PRR5L: variants seen among roughly 807,000 people sequenced by gnomAD.
PRR5L encodes the protein proline rich 5 like.
In PRR5L, 21 loss-of-function variants were observed where a neutral mutation model predicts 36.4. That is an observed-to-expected ratio of 0.58 (90% CI 0.41 to 0.83). The LOEUF (loss-of-function observed/expected upper bound fraction) is 0.83. Among genes scored for constraint, PRR5L ranks in the 40% least tolerant of loss-of-function variants. The probability of loss-of-function intolerance (pLI) is 0.00; values close to 1 mark genes in which losing one functional copy is unlikely to be tolerated. For missense variants in PRR5L, 381 were observed against 473.3 expected (o/e 0.80, Z 1.81); for synonymous variants, 188 against 197.0 (o/e 0.95, Z 0.38).
intron 1 of PRR5L, among the ~76,000 whole-genome samples, chr11:36,348,221 C>A (rs560509369): frequency 1.6e-4 from 25 of 152,224 alleles, no homozygotes; most frequent in Middle Eastern, 3.4e-3. Context: ...CTCTTCTTAG[C>A]CAAAACCAAG....
chr11:36,349,451 G>T (rs1856904622), intron 1 of PRR5L, among the ~76,000 whole-genome samples: 2 of 152,118 alleles, frequency 1.3e-5, no homozygotes, highest in Admixed American at 1.3e-4. Context: ...CAGTGAGGGA[G>T]GGGAAACAGG....
chr11:36,353,001 G>A (rs1195227305), intron 1 of PRR5L, among the ~76,000 whole-genome samples: 1 of 152,156 alleles, frequency 6.6e-6, no homozygotes, highest in Non-Finnish European at 1.5e-5. Context: ...TTGTTTGTTT[G>A]TTCTTACAGA....
chr11:36,356,147 A>G (rs547476413), intron 1 of PRR5L, among the ~76,000 whole-genome samples: 1 of 151,086 alleles, frequency 6.6e-6, no homozygotes, highest in Non-Finnish European at 1.5e-5. Flanking sequence ...CCTGAGCTCA[A>G]TTGATCTGCC....
At chr11:36,383,106 A>G (rs1011668597) in intron 1 of PRR5L, among the ~76,000 whole-genome samples, 1 of 152,126 alleles carries the variant, frequency 6.6e-6, no homozygotes, top group Non-Finnish European at 1.5e-5. Flanking sequence ...CCACTTCTAA[A>G]ATAGGAATAA....
intron 8 of PRR5L, among the ~76,000 whole-genome samples, chr11:36,461,965 G>A (rs934491514): frequency 6.6e-6 from 1 of 152,104 alleles, no homozygotes; most frequent in Non-Finnish European, 1.5e-5. Flanking sequence ...AGGAAGCCAG[G>A]GTGCTTCTTT....
At chr11:36,421,287 G>A (rs984959493) in intron 4 of PRR5L, among the ~76,000 whole-genome samples, 2 of 152,166 alleles carry the variant, frequency 1.3e-5, no homozygotes, top group Non-Finnish European at 2.9e-5. Context: ...AAGGGTGTTT[G>A]GGTGGGGACT....
intron 4 of PRR5L, among the ~76,000 whole-genome samples, chr11:36,429,860 C>T (rs1182032913): frequency 6.6e-6 from 1 of 152,190 alleles, no homozygotes; most frequent in Non-Finnish European, 1.5e-5. Flanking sequence ...CACTCATGTC[C>T]AGCTCAGCTG....
chr11:36,363,482 C>A (rs1017991137), intron 1 of PRR5L, among the ~76,000 whole-genome samples: 1 of 152,162 alleles, frequency 6.6e-6, no homozygotes, highest in Non-Finnish European at 1.5e-5. Flanking sequence ...AGCTCCTCAC[C>A]GCTTCCTTAG....
intron 1 of PRR5L, among the ~76,000 whole-genome samples, chr11:36,299,144 C>G (rs1463827577): frequency 6.6e-6 from 1 of 152,084 alleles, no homozygotes; most frequent in Non-Finnish European, 1.5e-5. Flanking sequence ...AGGACCTACA[C>G]ATCCCAGAGG....
At chr11:36,404,781 A>G (rs1857875597) in intron 3 of PRR5L, among the ~76,000 whole-genome samples, 1 of 152,166 alleles carries the variant, frequency 6.6e-6, no homozygotes, top group African/African-American at 2.4e-5. Flanking sequence ...TTAAATTTCC[A>G]TCCATGTTCT....
At chr11:36,355,302 T>C (rs1857014141) in intron 1 of PRR5L, among the ~76,000 whole-genome samples, 1 of 152,226 alleles carries the variant, frequency 6.6e-6, no homozygotes, top group African/African-American at 2.4e-5. Flanking sequence ...TCTCTTCTTG[T>C]TCTCCTTGGA....
At chr11:36,364,813 T>C (rs951536671) in intron 1 of PRR5L, among the ~76,000 whole-genome samples, 1 of 152,302 alleles carries the variant, frequency 6.6e-6, no homozygotes, top group East Asian at 1.9e-4. Flanking sequence ...GTCCTGACTT[T>C]CCTGCTTGTT....
At chr11:36,448,047 C>T (rs1263866097) in intron 7 of PRR5L, among the ~76,000 whole-genome samples, 4 of 151,906 alleles carry the variant, frequency 2.6e-5, no homozygotes, top group Admixed American at 2.0e-4. Context: ...TGGGCGGTGG[C>T]GGTTTGTTTG....
At chr11:36,297,794 T>G (rs911452070) in intron 1 of PRR5L, among the ~76,000 whole-genome samples, 1 of 152,182 alleles carries the variant, frequency 6.6e-6, no homozygotes, top group African/African-American at 2.4e-5. Flanking sequence ...CAGTGGGGCC[T>G]GCAGCTTGGA....
chr11:36,334,251 A>T (rs998532786), intron 1 of PRR5L, among the ~76,000 whole-genome samples: 1 of 152,210 alleles, frequency 6.6e-6, no homozygotes, highest in Non-Finnish European at 1.5e-5. Flanking sequence ...GGGAGAAAGG[A>T]AAAATGGATA....
chr11:36,321,221 T>C (rs1590439100), intron 1 of PRR5L: 2 of 152,338 alleles, frequency 1.3e-5, no homozygotes, highest in South Asian at 2.1e-4. Context: ...CACTCAATAA[T>C]GTCCTCAGAT....
intron 1 of PRR5L, among the ~76,000 whole-genome samples, chr11:36,383,633 G>C (rs1857407830): frequency 6.6e-6 from 1 of 151,526 alleles, no homozygotes; most frequent in African/African-American, 2.4e-5. Context: ...CTCTGCTTCG[G>C]TCTGCTGTAA....
intron 1 of PRR5L, among the ~76,000 whole-genome samples, chr11:36,333,524 A>G (rs538541061): frequency 6.6e-6 from 1 of 152,342 alleles, no homozygotes; most frequent in African/African-American, 2.4e-5. Flanking sequence ...GCACAACCAT[A>G]CAACAGAATA....
chr11:36,364,217 G>A (rs1022178549), intron 1 of PRR5L, among the ~76,000 whole-genome samples: 1 of 152,194 alleles, frequency 6.6e-6, no homozygotes, highest in Admixed American at 6.5e-5. Flanking sequence ...GAATTAATGA[G>A]TTGACACTTG....
Sources: allele counts gnomAD v4.1 joint callset (sites outside exome capture counted in the v4.1 genomes callset), GRCh38; gene constraint gnomAD v4.1.1; transcripts MANE v1.5; gene names NCBI Gene and HGNC (gene_info 2026-07-23, HGNC 2026-07-21).